APPBP2: variants seen among roughly 807,000 people sequenced by gnomAD.
APPBP2 encodes amyloid beta precursor protein binding protein 2.
A neutral mutation model predicts 76.0 loss-of-function variants in APPBP2; 15 were observed. The observed-to-expected ratio is 0.20, with a 90% CI of 0.13 to 0.30. The LOEUF (loss-of-function observed/expected upper bound fraction) is 0.30. APPBP2 is among the 10% of genes least tolerant of loss of function. The pLI is 1.00. For synonymous variants in APPBP2, 222 were observed against 242.2 expected (o/e 0.92, Z 0.77); for missense variants, 401 against 687.2 (o/e 0.58, Z 4.66).
chr17:60,526,082 T>C lies in APPBP2; in HGVS notation c.-151A>G. ...CAGAAGGCACGGCCGCCCTGCCTCC[T>C]CCGGGGGCAAACTGAGGGACGGCGG... On this transcript the variant is annotated 5_prime_UTR_variant, in exon 1 of 13. Coordinates refer to ENST00000083182, the MANE Select transcript of APPBP2 (RefSeq NM_006380.5). 4.3e-6 allele frequency: 3 copies of C among 700,246 alleles called. No homozygotes were observed. Among genetic ancestry groups the C allele is most frequent in the Non-Finnish European group, 4.7e-6 (2 of 427,098 alleles). The allele number at this position is 700,246 out of a possible 1,614,324, so 43.4% of individuals were successfully genotyped here. A position where few individuals can be genotyped will look rare whatever the true frequency, so the allele number is the denominator to read the frequency against.
In APPBP2 at chr17:60,526,010, G is replaced by C; in HGVS notation, c.-79C>G. The stretch of plus-strand genomic sequence containing the variant: ...CTCCCTCCGTAGCGAACCCCTCTGC[G>C]GCCCCGGAGGATTCGGAGGGGCGGT... On this transcript the variant is annotated 5_prime_UTR_variant, in exon 1 of 13. Transcript: ENST00000083182. The C allele has an allele frequency of 7.8e-6, 11 of 1,404,384 alleles. No homozygotes were observed. The highest frequency in any genetic ancestry group is 1.1e-5 in the Non-Finnish European group (11 of 1,039,300). The allele number at this position is 1,404,384 out of a possible 1,614,324, so 87.0% of individuals were successfully genotyped here.
chr17:60,496,485 C>T (rs998090355), intron 2 of APPBP2: 4 of 152,160 alleles, frequency 2.6e-5, no homozygotes, highest in East Asian at 1.9e-4. Flanking sequence ...TTTACAACAG[C>T]CACGTTTAAA....
At position 60,446,323 on chromosome 17, in the gene APPBP2, T is replaced by C. The variant is rs2090346945; in HGVS notation, c.*1258A>G. On this transcript the variant is annotated 3_prime_UTR_variant, in exon 13 of 13. Coordinates refer to ENST00000083182, the MANE Select transcript of APPBP2 (RefSeq NM_006380.5). ...TCATCATTAAATAACCTGACTGGCTTACAAAAAATCAAATCAAAACCCAAT... is the reference window on the plus strand; with the variant it reads ...TCATCATTAAATAACCTGACTGGCTCACAAAAAATCAAATCAAAACCCAAT... The C allele has an allele frequency of 6.6e-6, 1 of 152,572 alleles. No homozygotes were observed. The highest frequency in any genetic ancestry group is 2.4e-5 in the African/African-American group (1 of 41,460). The allele number at this position is 152,572 out of a possible 1,614,324, so 9.5% of individuals were successfully genotyped here.
At chr17:60,480,094 A>G (rs919858728) in intron 3 of APPBP2, among the ~76,000 whole-genome samples, 1 of 152,238 alleles carries the variant, frequency 6.6e-6, no homozygotes, top group Admixed American at 6.5e-5. Flanking sequence ...AATAACCAGA[A>G]AACACAAAGT....
chr17:60,525,454 T>C (rs1345900177), intron 1 of APPBP2, among the ~76,000 whole-genome samples: 1 of 151,760 alleles, frequency 6.6e-6, no homozygotes, highest in Non-Finnish European at 1.5e-5. Flanking sequence ...GGATGGAAAA[T>C]ATCCTGAAGA....
At chr17:60,475,878 GGAGGTTC>G in intron 4 of APPBP2, among the ~76,000 whole-genome samples, 2 of 152,208 alleles carry the variant, frequency 1.3e-5, no homozygotes, top group South Asian at 4.2e-4. Context: ...TCCCTTATCT[GGAGGTTC>G]TAGAGAATTC....
At chr17:60,456,741 C>T (rs1466632398) in intron 9 of APPBP2, among the ~76,000 whole-genome samples, 2 of 152,156 alleles carry the variant, frequency 1.3e-5, no homozygotes, top group Admixed American at 1.3e-4. Context: ...AGAGCATGTT[C>T]TCACCCTGGC....
chr17:60,521,974 A>T (rs145008514), intron 1 of APPBP2, among the ~76,000 whole-genome samples: 11 of 152,314 alleles, frequency 7.2e-5, no homozygotes, highest in African/African-American at 2.6e-4. Flanking sequence ...TTGTAGCCTA[A>T]GAACAATAGG....
rs1555629803 is a variant in APPBP2, at chr17:60,446,920, C to CAAATGTTGTACCA, written c.*660_*661insTGGTACAACATTT. 1 of 141,284 alleles carries CAAATGTTGTACCA rather than the reference C, an allele frequency of 7.1e-6. No homozygotes were observed. Among genetic ancestry groups the CAAATGTTGTACCA allele is most frequent in the African/African-American group, 2.6e-5 (1 of 38,638 alleles). 8.8% of individuals were successfully genotyped at this position (141,284 alleles called of 1,614,324 possible). A position where few individuals can be genotyped will look rare whatever the true frequency, so the allele number is the denominator to read the frequency against. ...ATCAGAGCATCTTGCATTGTTGTACCAAAAAAAAAAAAGTCAGAAGTGCTG... is the reference window on the plus strand; with the variant it reads ...ATCAGAGCATCTTGCATTGTTGTACCAAATGTTGTACCAAAAAAAAAAAAAGTCAGAAGTGCTG... On this transcript the variant is annotated 3_prime_UTR_variant, in exon 13 of 13. Coordinates refer to ENST00000083182, the MANE Select transcript of APPBP2 (RefSeq NM_006380.5).
At chr17:60,459,955 T>C (rs917647868) in intron 9 of APPBP2, 2 of 152,234 alleles carry the variant, frequency 1.3e-5, no homozygotes, top group African/African-American at 4.8e-5. Context: ...TTAGTGTCCA[T>C]TATTGGCCCT....
At chr17:60,511,562 C>A (rs985974645) in intron 1 of APPBP2, among the ~76,000 whole-genome samples, 3 of 145,564 alleles carry the variant, frequency 2.1e-5, no homozygotes, top group African/African-American at 2.6e-5. Flanking sequence ...TCCAGCCTGG[C>A]GACAGAGCAA....
At chr17:60,459,017 C>T (rs542625696) in intron 9 of APPBP2, among the ~76,000 whole-genome samples, 116 of 152,116 alleles carry the variant, frequency 7.6e-4, no homozygotes, top group Middle Eastern at 3.4e-3. Context: ...GTGATCTGCC[C>T]GCTTCGGCCT....
chr17:60,486,106 G>A (rs2090675369), intron 3 of APPBP2, among the ~76,000 whole-genome samples: 1 of 152,174 alleles, frequency 6.6e-6, no homozygotes, highest in African/African-American at 2.4e-5. Flanking sequence ...GCCAAGGAGT[G>A]CTTTACTTTC....
chr17:60,489,148 G>T (rs1598361647), intron 3 of APPBP2, among the ~76,000 whole-genome samples: 1 of 151,960 alleles, frequency 6.6e-6, no homozygotes, highest in Non-Finnish European at 1.5e-5. Context: ...CTTGAACCCG[G>T]GAGGAGGAGG....
At chr17:60,501,202 T>C (rs2090820292) in intron 1 of APPBP2, among the ~76,000 whole-genome samples, 1 of 151,674 alleles carries the variant, frequency 6.6e-6, no homozygotes, top group Non-Finnish European at 1.5e-5. Flanking sequence ...GTCTCAGCTA[T>C]TTGGGAGGTT....
rs114580849 is a variant in APPBP2 at position 60,481,746 on chromosome 17, T to C, written c.380-2475A>G. On this transcript the variant is annotated intron_variant, in intron 3 of 12. Transcript: ENST00000083182. ...TTCAAAACAAATGAGATCCTTGTTT[T>C]CAAAAGAAGTTAGGAAAAGAAGACA... Among the ~76,000 whole-genome samples the C allele has an allele frequency of 4.7e-3, 722 of 152,330 alleles. 4 individuals carry two copies. The highest frequency in any genetic ancestry group is 0.016 in the African/African-American group (671 of 41,564).
Position 60,447,470 on chromosome 17 carries a change from G to A in APPBP2, c.*111C>T, listed in dbSNP as rs539835961. The A allele has an allele frequency of 7.9e-7, 1 of 1,270,260 alleles. No homozygotes were observed. The highest frequency in any genetic ancestry group is 1.4e-5 in the South Asian group (1 of 69,248). 78.7% of individuals were successfully genotyped at this position (1,270,260 alleles called of 1,614,324 possible). A position where few individuals can be genotyped will look rare whatever the true frequency, so the allele number is the denominator to read the frequency against. Reference sequence around the variant, plus strand: ...CCCAAAATAGGGTCTTCAATGGACTGGACCAGTGTTTCAATGCAAATTCCA... The same window carrying A: ...CCCAAAATAGGGTCTTCAATGGACTAGACCAGTGTTTCAATGCAAATTCCA... On this transcript the variant is annotated 3_prime_UTR_variant, in exon 13 of 13. Transcript: ENST00000083182.
chr17:60,495,949 A>G (rs1055418327), intron 2 of APPBP2, among the ~76,000 whole-genome samples: 102 of 152,348 alleles, frequency 6.7e-4, no homozygotes, highest in African/African-American at 2.4e-3. Context: ...AAAATTATTC[A>G]GCCATAAAAA....
chr17:60,447,949 C>T (rs1467468401), intron 12 of APPBP2, 115 bp from the exon 13 acceptor site: 11 of 927,774 alleles, frequency 1.2e-5, no homozygotes, highest in Non-Finnish European at 1.8e-5. Context: ...AGGTTTATTC[C>T]CCTGAAAGGA....
Sources: gnomAD v4.1 joint callset for allele counts (sites outside exome capture counted in the v4.1 genomes callset) on GRCh38, gnomAD v4.1.1 for gene constraint, MANE v1.5 for transcripts, NCBI Gene and HGNC (gene_info 2026-07-23, HGNC 2026-07-21) for gene names.